ROBO2: variants seen among roughly 807,000 people sequenced by gnomAD.
The protein encoded by ROBO2 is roundabout homolog 2.
In ROBO2, 53 loss-of-function variants were observed where a neutral mutation model predicts 160.8. That is an observed-to-expected ratio of 0.33 (90% CI 0.26 to 0.41). ROBO2 has a LOEUF of 0.41. Among genes scored for constraint, ROBO2 ranks in the 10% least tolerant of loss-of-function variants. ROBO2 has a pLI of 1.00. For missense variants in ROBO2, 1,577 were observed against 1,722.4 expected (o/e 0.92, Z 1.49); for synonymous variants, 664 against 611.7 (o/e 1.09, Z -1.26).
intron 2 of ROBO2, among the ~76,000 whole-genome samples, chr3:77,007,016 G>A (rs777061209): frequency 2.6e-5 from 4 of 152,196 alleles, no homozygotes; most frequent in Non-Finnish European, 5.9e-5. Context: ...CAAGATAAGA[G>A]TGAATTCATT....
intron 2 of ROBO2, among the ~76,000 whole-genome samples, chr3:77,434,701 A>G (rs550219904): frequency 3.9e-5 from 6 of 152,116 alleles, no homozygotes; most frequent in Non-Finnish European, 7.4e-5. Context: ...TGAAAAGTTG[A>G]TGAGTTCCAG....
At chr3:77,577,156 C>T (rs994557353) in intron 14 of ROBO2, among the ~76,000 whole-genome samples, 4 of 152,092 alleles carry the variant, frequency 2.6e-5, no homozygotes, top group African/African-American at 4.8e-5. Context: ...TCTGTAAAAC[C>T]GAGATAAGAG....
intron 2 of ROBO2, among the ~76,000 whole-genome samples, chr3:77,315,584 T>C (rs2063909329): frequency 6.6e-6 from 1 of 152,204 alleles, no homozygotes; most frequent in African/African-American, 2.4e-5. Context: ...TGGGCTGTTA[T>C]CAGTTAGGAA....
chr3:77,445,843 G>A (rs1024064550), intron 2 of ROBO2, among the ~76,000 whole-genome samples: 1 of 125,082 alleles, frequency 8.0e-6, no homozygotes, highest in Non-Finnish European at 1.6e-5. Flanking sequence ...ATAGCTTTCT[G>A]TAATATAAAC....
chr3:77,356,604 A>G (rs1456329543), intron 2 of ROBO2, among the ~76,000 whole-genome samples: 1 of 152,192 alleles, frequency 6.6e-6, no homozygotes, highest in East Asian at 1.9e-4. Flanking sequence ...TTGATTTAGC[A>G]TAAGTTTTAC....
intron 2 of ROBO2, among the ~76,000 whole-genome samples, chr3:76,641,713 G>C (rs916836399): frequency 1.3e-5 from 2 of 152,120 alleles, no homozygotes; most frequent in African/African-American, 4.8e-5. Flanking sequence ...TCTTGGTCTG[G>C]ATAATTATAG....
intron 2 of ROBO2, among the ~76,000 whole-genome samples, chr3:76,260,602 C>T (rs1390292): frequency 0.7 from 106,686 of 151,888 alleles, 41,375 homozygotes; most frequent in Non-Finnish European, 0.89. Flanking sequence ...ATTAAAAAAC[C>T]GATAGTGTCA....
Position 76,434,892 on chromosome 3 carries a change from A to C in ROBO2, c.109+497290A>C. On this transcript the variant is annotated intron_variant, in intron 2 of 26. Coordinates refer to the ROBO2 transcript ENST00000487694. ...GAGTGGTCCAGTATGCAGTGGCCCC[A>C]AGCCATTCTCTGCACCTAAACCCCA... The C allele has an allele frequency of 6.3e-6, 10 of 1,594,936 alleles. No homozygotes were observed. In the South Asian group the frequency reaches 1.1e-4, roughly 18 times the overall value.
intron 2 of ROBO2, among the ~76,000 whole-genome samples, chr3:76,417,326 T>C (rs941099520): frequency 3.3e-5 from 5 of 152,244 alleles, no homozygotes; most frequent in Admixed American, 3.3e-4. Flanking sequence ...CAAGATTCAG[T>C]GACTGCTTTC....
chr3:76,114,953 A>T (rs1203073697), intron 2 of ROBO2, among the ~76,000 whole-genome samples: 1 of 152,142 alleles, frequency 6.6e-6, no homozygotes, highest in Non-Finnish European at 1.5e-5. Flanking sequence ...CATTTCTTTC[A>T]TGTGGCTGAT....
chr3:76,162,601 C>G (rs1255315223), intron 2 of ROBO2, among the ~76,000 whole-genome samples: 3 of 152,294 alleles, frequency 2.0e-5, no homozygotes, highest in East Asian at 3.9e-4. Flanking sequence ...GCATGAGCCA[C>G]TGGGACCAGA....
intron 2 of ROBO2, among the ~76,000 whole-genome samples, chr3:77,176,446 G>A (rs980147009): frequency 6.6e-6 from 1 of 151,858 alleles, no homozygotes; most frequent in Admixed American, 6.6e-5. Flanking sequence ...AAATTTTAGG[G>A]TTTCTATTGA....
At chr3:77,038,994 C>T (rs1465867613), upstream of ROBO2, among the ~76,000 whole-genome samples, 2 of 152,192 alleles carry the variant, frequency 1.3e-5, no homozygotes, top group African/African-American at 4.8e-5. Flanking sequence ...ATCCCCGCTT[C>T]CCCGTCCTTA....
At chr3:77,517,140 G>T (rs12152506) in intron 5 of ROBO2, among the ~76,000 whole-genome samples, 120,237 of 151,592 alleles carry the variant, frequency 0.79, 48,414 homozygotes, top group African/African-American at 0.93. Flanking sequence ...ACAAAAGAAA[G>T]ATGAAAGCAA....
At chr3:75,929,557 G>A (rs529500457) in intron 1 of ROBO2, among the ~76,000 whole-genome samples, 7 of 152,074 alleles carry the variant, frequency 4.6e-5, no homozygotes, top group Admixed American at 1.3e-4. Flanking sequence ...GTTGTTCTTG[G>A]TTCCCATTAC....
chr3:77,327,298 G>A (rs2065497316), intron 2 of ROBO2, among the ~76,000 whole-genome samples: 1 of 152,106 alleles, frequency 6.6e-6, no homozygotes, highest in Admixed American at 6.6e-5. Flanking sequence ...TTTTCCTTGG[G>A]AGTGCCTTCA....
intron 8 of ROBO2, among the ~76,000 whole-genome samples, chr3:77,551,991 G>A (rs954493372): frequency 2.6e-5 from 4 of 151,938 alleles, no homozygotes; most frequent in East Asian, 1.9e-4. Flanking sequence ...ACATTGAGTC[G>A]TTAATGGCTG....
intron 4 of ROBO2, among the ~76,000 whole-genome samples, chr3:77,484,316 CTAATTATGAG>C (rs1325857594): frequency 2.0e-5 from 3 of 151,860 alleles, no homozygotes; most frequent in African/African-American, 7.3e-5. Context: ...AATACAATTT[CTAATTATGAG>C]TAGATTTCAG....
At chr3:76,211,503 T>A (rs961444448) in intron 2 of ROBO2, among the ~76,000 whole-genome samples, 2 of 152,112 alleles carry the variant, frequency 1.3e-5, no homozygotes, top group African/African-American at 4.8e-5. Flanking sequence ...GAAACTGACA[T>A]GTCAGAATGA....
Sources: allele counts gnomAD v4.1 joint callset (sites outside exome capture counted in the v4.1 genomes callset), GRCh38; gene constraint gnomAD v4.1.1; transcripts MANE v1.5; gene names NCBI Gene and HGNC (gene_info 2026-07-23, HGNC 2026-07-21).